SPTLC2: variants seen among roughly 807,000 people sequenced by gnomAD.
SPTLC2 encodes the protein serine palmitoyltransferase 2.
SPTLC2 carries 21 observed loss-of-function variants against 62.0 expected under a neutral mutation model. The ratio of observed to expected loss-of-function variants is 0.34; its 90% confidence interval spans 0.24 to 0.49. The LOEUF (loss-of-function observed/expected upper bound fraction) is 0.49, where lower values mean the gene tolerates loss of function less well. Ranked by LOEUF, SPTLC2 falls within the 20% of genes least tolerant of loss-of-function variation. SPTLC2 has a pLI of 0.99. For missense variants in SPTLC2, 511 were observed against 713.0 expected (o/e 0.72, Z 3.23); for synonymous variants, 261 against 261.8 (o/e 1.00, Z 0.03).
chr14:77,546,639 A>AC lies in SPTLC2; in HGVS notation c.1303+5456_1303+5457insG, dbSNP rs2079529554. On this transcript the variant is annotated intron_variant, in intron 9 of 11. Coordinates refer to ENST00000216484, the MANE Select transcript of SPTLC2 (RefSeq NM_004863.4). ...CTGGACTGTTTTTTCAAAGGCAAAG[A>AC]TCACCTATTGTTCAACTCTGCATCT... Among the ~76,000 whole-genome samples, 4 of 152,300 alleles carry AC rather than the reference A, an allele frequency of 2.6e-5. No homozygotes were observed. In the East Asian group the frequency reaches 7.7e-4, roughly 29 times the overall value.
At chr14:77,528,233 CTCT>C (rs1291830533) in intron 9 of SPTLC2, among the ~76,000 whole-genome samples, 1 of 151,894 alleles carries the variant, frequency 6.6e-6, no homozygotes, top group Non-Finnish European at 1.5e-5. Flanking sequence ...CCCTCTTTTC[CTCT>C]TCTTTTTTTT....
intron 9 of SPTLC2, among the ~76,000 whole-genome samples, chr14:77,532,783 C>CA (rs2079447729): frequency 1.4e-5 from 2 of 146,182 alleles, no homozygotes; most frequent in South Asian, 4.4e-4. Context: ...GACTCTGTCT[C>CA]AAAAAATAAA....
intron 11 of SPTLC2, among the ~76,000 whole-genome samples, chr14:77,512,963 C>T (rs2139989586): frequency 6.7e-6 from 1 of 149,038 alleles, no homozygotes; most frequent in South Asian, 2.1e-4. Context: ...TGATCCACCA[C>T]CTTGGCCTCC....
At chr14:77,569,994 T>A (rs956962110) in intron 5 of SPTLC2, among the ~76,000 whole-genome samples, 1 of 149,474 alleles carries the variant, frequency 6.7e-6, no homozygotes, top group Non-Finnish European at 1.5e-5. Context: ...AAAAATAAAA[T>A]CAAATTGAGA....
chr14:77,582,750 A>G (rs2079758780), intron 2 of SPTLC2, among the ~76,000 whole-genome samples: 1 of 152,204 alleles, frequency 6.6e-6, no homozygotes, highest in Non-Finnish European at 1.5e-5. Flanking sequence ...AGGGTAAAGG[A>G]GGAGAAGCTG....
intron 9 of SPTLC2, among the ~76,000 whole-genome samples, chr14:77,541,928 G>A (rs1349198536): frequency 6.6e-6 from 1 of 152,144 alleles, no homozygotes; most frequent in Non-Finnish European, 1.5e-5. Flanking sequence ...ATAGTGGCAC[G>A]CGCCTGTAGT....
chr14:77,606,650 T>C (rs529514355), intron 1 of SPTLC2, among the ~76,000 whole-genome samples: 40 of 152,292 alleles, frequency 2.6e-4, no homozygotes, highest in South Asian at 1.4e-3. Flanking sequence ...CATTTTTTTT[T>C]CCACTCATTC....
intron 5 of SPTLC2, among the ~76,000 whole-genome samples, chr14:77,563,130 G>T (rs990336263): frequency 6.6e-6 from 1 of 151,816 alleles, no homozygotes; most frequent in Non-Finnish European, 1.5e-5. Flanking sequence ...CTCTCAGGGG[G>T]CCCTTCAACC....
At chr14:77,553,729 C>CAA (rs34500527) in intron 8 of SPTLC2, among the ~76,000 whole-genome samples, 6,419 of 96,334 alleles carry the variant, frequency 0.067, 636 homozygotes, top group African/African-American at 0.2. Flanking sequence ...GGCTTGGTCT[C>CAA]AAAAAAAAAA....
At chr14:77,529,378 CG>C (rs960087871) in intron 9 of SPTLC2, among the ~76,000 whole-genome samples, 158 of 144,986 alleles carry the variant, frequency 1.1e-3, no homozygotes, top group African/African-American at 3.9e-3. Context: ...ACTTTGCCTG[CG>C]TTGTGTGTCT....
intron 9 of SPTLC2, among the ~76,000 whole-genome samples, chr14:77,536,899 A>G (rs1594976648): frequency 6.6e-6 from 1 of 152,014 alleles, no homozygotes; most frequent in Non-Finnish European, 1.5e-5. Flanking sequence ...GTTATTTTCT[A>G]CCAATGTCTA....
At chr14:77,565,463 A>G (rs1310536108) in intron 5 of SPTLC2, among the ~76,000 whole-genome samples, 1 of 152,214 alleles carries the variant, frequency 6.6e-6, no homozygotes, top group East Asian at 1.9e-4. Context: ...TAAGATTTAC[A>G]TCATCAGTAA....
rs771918353 is a variant in SPTLC2 at position 77,597,773 on chromosome 14, CA to C, written c.133-394del. Among the ~76,000 whole-genome samples, 183 of 88,066 alleles carry C rather than the reference CA, an allele frequency of 2.1e-3. 1 individual carries two copies. Among genetic ancestry groups the C allele is most frequent in the South Asian group, 0.013 (38 of 2,870 alleles). 57.8% of individuals were successfully genotyped at this position (88,066 alleles called of 152,430 possible). A position where few individuals can be genotyped will look rare whatever the true frequency, so the allele number is the denominator to read the frequency against. On this transcript the variant is annotated intron_variant, in intron 1 of 11. Coordinates refer to ENST00000216484, the MANE Select transcript of SPTLC2 (RefSeq NM_004863.4). ...TGGGTGACAGAGCAAGACTCCGTGT[CA>C]AAAAAAAAAAGGAATTTTCTAAGTT... is the stretch of plus-strand genomic sequence containing the variant.
chr14:77,564,321 A>C (rs1298242250), intron 5 of SPTLC2, among the ~76,000 whole-genome samples: 2 of 150,468 alleles, frequency 1.3e-5, no homozygotes, highest in Admixed American at 1.3e-4. Flanking sequence ...GAGAAGGAGA[A>C]GAAGGAGAAT....
intron 5 of SPTLC2, among the ~76,000 whole-genome samples, chr14:77,569,038 T>C (rs1277313993): frequency 6.6e-6 from 1 of 152,200 alleles, no homozygotes; most frequent in East Asian, 1.9e-4. Context: ...TAATGGAACA[T>C]TAGGCATAAA....
rs769443222 is a variant in SPTLC2 at position 77,570,375 on chromosome 14, G to GT, written c.756+8dup. ...TGAGGGAGTTTTCATAAATGACAGA[G>GT]TATCTTACTTTGCCAACAAGAGCAG... On this transcript the variant is annotated intron_variant, in intron 5 of 11. Coordinates refer to ENST00000216484, the MANE Select transcript of SPTLC2 (RefSeq NM_004863.4). 10 of 1,612,306 alleles carry GT rather than the reference G, an allele frequency of 6.2e-6. No individual in the cohort carries two copies. In the Admixed American group the frequency reaches 8.3e-5, roughly 13 times the overall value.
chr14:77,514,483 C>T (rs1253184416), intron 11 of SPTLC2, among the ~76,000 whole-genome samples: 2 of 152,154 alleles, frequency 1.3e-5, no homozygotes, highest in Non-Finnish European at 2.9e-5. Flanking sequence ...CATTCATTAA[C>T]AGTCTACACA....
intron 6 of SPTLC2, among the ~76,000 whole-genome samples, chr14:77,557,941 C>CT (rs1203557574): frequency 6.6e-6 from 1 of 152,026 alleles, no homozygotes; most frequent in African/African-American, 2.4e-5. Flanking sequence ...AGATTTCATA[C>CT]TTAAAATACC....
At chr14:77,551,659 G>A (rs934993467) in intron 9 of SPTLC2, among the ~76,000 whole-genome samples, 4 of 152,100 alleles carry the variant, frequency 2.6e-5, no homozygotes, top group African/African-American at 9.7e-5. Flanking sequence ...GATTCAGGAT[G>A]TCATTTATTA....
Sources: gnomAD v4.1 joint callset for allele counts (sites outside exome capture counted in the v4.1 genomes callset) on GRCh38, gnomAD v4.1.1 for gene constraint, MANE v1.5 for transcripts, NCBI Gene and HGNC (gene_info 2026-07-23, HGNC 2026-07-21) for gene names.